The following EYS variants were observed in gnomAD, a reference collection of about 807,000 sequenced individuals.
EYS encodes EGF-like photoreceptor maintenance factor, also known as protein eyes shut homolog.
Under a neutral mutation model 282.1 loss-of-function variants are expected in EYS, and 250 were observed. The ratio of observed to expected loss-of-function variants is 0.89; its 90% CI spans 0.80 to 0.98. EYS has a LOEUF of 0.98. Ranked by LOEUF, EYS falls within the 50% of genes least tolerant of loss-of-function variation. The pLI is 0.00. For missense variants in EYS, 4,016 were observed against 3,709.0 expected (o/e 1.08, Z -2.15); for synonymous variants, 1,355 against 1,282.9 (o/e 1.06, Z -1.20).
chr6:64,044,222 T>C (rs1406269565), intron 33 of EYS, among the ~76,000 whole-genome samples: 1 of 152,252 alleles, frequency 6.6e-6, no homozygotes, highest in Non-Finnish European at 1.5e-5. Flanking sequence ...CGTTTTATGC[T>C]GTTGCAGGTC....
intron 1 of EYS, among the ~76,000 whole-genome samples, chr6:65,685,035 A>T (rs1768966215): frequency 6.6e-6 from 1 of 151,982 alleles, no homozygotes; most frequent in African/African-American, 2.4e-5. Flanking sequence ...GATGATGCGG[A>T]TAATGGGCTG....
Position 64,639,304 on chromosome 6 carries a change from T to C in EYS, c.3444-13059A>G, listed in dbSNP as rs551187406. On this transcript the variant is annotated intron_variant, in intron 22 of 42. Transcript: ENST00000503581. ...AAGCAGGTCTTGGAAAATTACAAAA[T>C]CAATTTTCAGAAACTTCATGAACAT... Among the ~76,000 whole-genome samples the C allele has an allele frequency of 5.5e-5, 5 of 91,234 alleles. 1 individual carries two copies. The East Asian group carries it at 9.7e-4, about 18-fold the overall frequency. 59.9% of individuals were successfully genotyped at this position (91,234 alleles called of 152,430 possible). A position where few individuals can be genotyped will look rare whatever the true frequency, so the allele number is the denominator to read the frequency against.
chr6:64,902,405 T>C lies in EYS; in HGVS notation c.2737A>G (p.Arg913Gly). 2 of 1,536,204 alleles carry C rather than the reference T, an allele frequency of 1.3e-6. No individual in the cohort carries two copies. The highest frequency in any genetic ancestry group is 1.2e-5 in the South Asian group (1 of 80,798). The change falls in exon 17 of 43, where the codon AGG (arginine) becomes GGG (glycine). Residue 913 changes from arginine (R) to glycine (G), a missense_variant and splice_region_variant. By Grantham distance (125) the Arg-to-Gly change is moderately radical. Transcript: ENST00000503581. Reference sequence around the variant, plus strand: ...AGATACTTTTTAAGTTTTCTGTACCTGAAATTGTTGACCATATCTTCACAG... The same window carrying C: ...AGATACTTTTTAAGTTTTCTGTACCCGAAATTGTTGACCATATCTTCACAG... ...GDCEDMVNNFRCICRPGFSGS... is the reference protein window; with the variant it reads ...GDCEDMVNNFGCICRPGFSGS...
chr6:64,077,438 A>G (rs947311188), intron 32 of EYS, among the ~76,000 whole-genome samples: 2 of 152,022 alleles, frequency 1.3e-5, no homozygotes, highest in South Asian at 2.1e-4. Flanking sequence ...CAGGAGTATC[A>G]GAAATCTTTT....
chr6:63,947,315 G>A (rs1215715331), intron 35 of EYS, among the ~76,000 whole-genome samples: 1 of 151,832 alleles, frequency 6.6e-6, no homozygotes, highest in Non-Finnish European at 1.5e-5. Flanking sequence ...AAGATAATAA[G>A]CAGTTTTTAT....
intron 15 of EYS, among the ~76,000 whole-genome samples, chr6:64,927,246 T>A (rs1270481953): frequency 1.3e-5 from 2 of 152,192 alleles, no homozygotes; most frequent in African/African-American, 4.8e-5. Flanking sequence ...GTGAGCTCTT[T>A]TTGTTTGTCA....
Position 64,000,168 on chromosome 6 carries a change from C to CTTTTTTTTT in EYS, c.6726-994_6726-986dup, listed in dbSNP as rs71551553. 2.6e-4 allele frequency among the ~76,000 whole-genome samples: 11 copies of CTTTTTTTTT among 42,730 alleles called. 3 individuals carry two copies. Among genetic ancestry groups the CTTTTTTTTT allele is most frequent in the East Asian group, 1.7e-3 (2 of 1,170 alleles). 28.0% of individuals were successfully genotyped at this position (42,730 alleles called of 152,430 possible). On this transcript the variant is annotated intron_variant, in intron 33 of 42. Transcript: ENST00000503581. Reference sequence around the variant, plus strand: ...CTGAGGAGTTTCCCAAGACATGGGACTTTTTTTTTTTTTTTTTTTTTTTTT... The same window carrying CTTTTTTTTT: ...CTGAGGAGTTTCCCAAGACATGGGACTTTTTTTTTTTTTTTTTTTTTTTTTTTTTTTTTT...
intron 22 of EYS, among the ~76,000 whole-genome samples, chr6:64,751,525 G>A (rs867302800): frequency 6.6e-6 from 1 of 152,170 alleles, no homozygotes; most frequent in Admixed American, 6.5e-5. Context: ...CCAGCTCCAG[G>A]CAGCTTTGTC....
At chr6:65,476,736 C>G (rs1460815382) in intron 5 of EYS, among the ~76,000 whole-genome samples, 1 of 152,004 alleles carries the variant, frequency 6.6e-6, no homozygotes, top group African/African-American at 2.4e-5. Context: ...GCCACCAGGC[C>G]CAGCTAATTT....
chr6:64,686,677 G>A lies in EYS; in HGVS notation c.3444-60432C>T, dbSNP rs150811196. Among the ~76,000 whole-genome samples, 670 of 147,294 alleles carry A rather than the reference G, an allele frequency of 4.5e-3. 3 individuals are homozygous for A. Among genetic ancestry groups the A allele is most frequent in the African/African-American group, 0.016 (634 of 40,206 alleles). ...AATGACATGAATCCAGGAAGCGGGA[G>A]CTTGCAGTGAGCCAAGATCGCACCA... On this transcript the variant is annotated intron_variant, in intron 22 of 42. Transcript: ENST00000503581.
intron 29 of EYS, among the ~76,000 whole-genome samples, chr6:64,317,390 C>T (rs1770017040): frequency 6.8e-6 from 1 of 146,860 alleles, no homozygotes; most frequent in African/African-American, 2.5e-5. Flanking sequence ...GACAATTCTC[C>T]AAAGAAGACA....
At chr6:65,474,284 A>G (rs997953804) in intron 5 of EYS, among the ~76,000 whole-genome samples, 1 of 152,126 alleles carries the variant, frequency 6.6e-6, no homozygotes, top group African/African-American at 2.4e-5. Flanking sequence ...GGTAGAATGC[A>G]TAGCTTTCTA....
At position 65,050,444 on chromosome 6, in the gene EYS, A is replaced by C. The variant is rs527428101; in HGVS notation, c.2137+7170T>G. The stretch of plus-strand genomic sequence containing the variant: ...TGGATTAATAACTTATTATGGACTC[A>C]GTATTTTACAGTTCATTCAATTTAT... On this transcript the variant is annotated intron_variant, in intron 13 of 42. Transcript: ENST00000503581. Among the ~76,000 whole-genome samples the C allele has an allele frequency of 4.8e-4, 73 of 151,716 alleles. No individual in the cohort carries two copies. The East Asian group carries it at 0.012, about 26-fold the overall frequency.
chr6:64,380,740 G>T (rs895797979), intron 29 of EYS, among the ~76,000 whole-genome samples: 5 of 152,066 alleles, frequency 3.3e-5, no homozygotes, highest in Admixed American at 2.0e-4. Flanking sequence ...GATTATGGCC[G>T]AGCAGGGTGG....
At chr6:64,968,969 G>A (rs1405876331) in intron 14 of EYS, among the ~76,000 whole-genome samples, 3 of 152,120 alleles carry the variant, frequency 2.0e-5, no homozygotes, top group Non-Finnish European at 4.4e-5. Context: ...CCCAGCTCAA[G>A]CACTTTCTGT....
chr6:64,929,627 A>C (rs539986811), intron 15 of EYS, among the ~76,000 whole-genome samples: 1 of 152,276 alleles, frequency 6.6e-6, no homozygotes, highest in South Asian at 2.1e-4. Context: ...TGTCAAAGAA[A>C]GTATACTTAA....
chr6:64,045,692 C>T (rs1362195232), intron 33 of EYS, among the ~76,000 whole-genome samples: 5 of 150,768 alleles, frequency 3.3e-5, no homozygotes, highest in Admixed American at 1.3e-4. Flanking sequence ...GATGATCTGC[C>T]CGCCTCGGCC....
At chr6:63,837,655 G>A (rs903495799) in intron 36 of EYS, among the ~76,000 whole-genome samples, 3 of 152,090 alleles carry the variant, frequency 2.0e-5, no homozygotes, top group African/African-American at 7.2e-5. Flanking sequence ...ACATTCTAAA[G>A]AATTAACCAA....
chr6:64,614,570 G>A (rs769449757), intron 24 of EYS, among the ~76,000 whole-genome samples: 7 of 152,062 alleles, frequency 4.6e-5, no homozygotes, highest in African/African-American at 7.2e-5. Flanking sequence ...GATGCTCCTC[G>A]ACTTATGATG....
Sources: allele counts gnomAD v4.1 joint callset (sites outside exome capture counted in the v4.1 genomes callset), GRCh38; gene constraint gnomAD v4.1.1; transcripts MANE v1.5; gene names NCBI Gene and HGNC (gene_info 2026-07-23, HGNC 2026-07-21).